MICAL2: variants seen among roughly 807,000 people sequenced by gnomAD.
The protein encoded by MICAL2 is [F-actin]-monooxygenase MICAL2.
Under a neutral mutation model 127.3 loss-of-function variants are expected in MICAL2, and 77 were observed. The observed-to-expected ratio is 0.60, with a 90% confidence interval of 0.50 to 0.73. MICAL2 has a LOEUF of 0.73. MICAL2 is among the 30% of genes least tolerant of loss of function. MICAL2 has a pLI of 0.00. For missense variants in MICAL2, 1,351 were observed against 1,434.4 expected (o/e 0.94, Z 0.94); for synonymous variants, 570 against 551.1 (o/e 1.03, Z -0.48).
intron 5 of MICAL2, among the ~76,000 whole-genome samples, chr11:12,208,544 G>A (rs1340714518): frequency 1.3e-5 from 2 of 152,234 alleles, no homozygotes; most frequent in East Asian, 3.8e-4. Flanking sequence ...ATCCAGTAAA[G>A]TGAAGCTTCT....
chr11:12,163,103 G>T (rs139443675), intron 3 of MICAL2, among the ~76,000 whole-genome samples: 254 of 152,050 alleles, frequency 1.7e-3, no homozygotes, highest in African/African-American at 5.8e-3. Flanking sequence ...CTCTACCTAG[G>T]ACCACACTCA....
intron 6 of MICAL2, among the ~76,000 whole-genome samples, chr11:12,211,154 C>T (rs752069121): frequency 2.0e-5 from 3 of 152,002 alleles, no homozygotes; most frequent in Non-Finnish European, 4.4e-5. Context: ...CTGAGGTGGG[C>T]GGATCACCTG....
chr11:12,128,313 C>A (rs1718341889), intron 1 of MICAL2, among the ~76,000 whole-genome samples: 1 of 152,196 alleles, frequency 6.6e-6, no homozygotes, highest in African/African-American at 2.4e-5. Flanking sequence ...ATCAAGACTG[C>A]AACATGCCAG....
In MICAL2 at chr11:12,173,042, TATTATA is replaced by T. The variant is rs1856456362; in HGVS notation, c.264+10630_264+10635del. ...TATAGTATATACATATATTTTTATG[TATTATA>T]ATTATATTACATTAAAAAGTTACTC... On this transcript the variant is annotated intron_variant, in intron 3 of 27. Coordinates refer to ENST00000683283, the MANE Select transcript of MICAL2 (RefSeq NM_001282663.2). Among the ~76,000 whole-genome samples, 4 of 152,100 alleles carry T rather than the reference TATTATA, an allele frequency of 2.6e-5. No individual in the cohort carries two copies. In the South Asian group the frequency reaches 6.2e-4, roughly 24 times the overall value.
intron 29 of MICAL2, among the ~76,000 whole-genome samples, chr11:12,310,157 C>CT (rs1864156069): frequency 6.6e-6 from 1 of 152,098 alleles, no homozygotes; most frequent in Non-Finnish European, 1.5e-5. Context: ...GTTTCCTTTG[C>CT]TGTACATAGG....
At chr11:12,226,973 A>T in intron 14 of MICAL2, 52 bp from the exon 15 acceptor site, 2 of 1,440,740 alleles carry the variant, frequency 1.4e-6, no homozygotes, top group Non-Finnish European at 2.0e-6. Flanking sequence ...TGTTATAGCC[A>T]TACTTCCCAG....
At chr11:12,125,406 A>G (rs1481108543) in intron 1 of MICAL2, among the ~76,000 whole-genome samples, 2 of 152,176 alleles carry the variant, frequency 1.3e-5, no homozygotes, top group Non-Finnish European at 2.9e-5. Context: ...GGCATGCACC[A>G]CCATGCCCTG....
intron 5 of MICAL2, 120 bp from the exon 6 acceptor site, chr11:12,209,375 GCT>G: frequency 2.6e-6 from 2 of 779,590 alleles, no homozygotes; most frequent in Admixed American, 1.8e-5. Flanking sequence ...TCCCCTGGAG[GCT>G]CTCTCTGTGA....
intron 32 of MICAL2, among the ~76,000 whole-genome samples, chr11:12,349,542 G>C (rs1004633299): frequency 6.6e-6 from 1 of 152,184 alleles, no homozygotes; most frequent in Admixed American, 6.5e-5. Flanking sequence ...GAATATACGA[G>C]TAGGCAGGGG....
In MICAL2 at chr11:12,258,539, T is replaced by C. The variant is rs1862641863; in HGVS notation, c.3214T>C (p.Leu1072=). ...NSKQRKRRAE[L]KQQREEEATW... ...CAAACAACGGAAGAGACGGGCAGAGTTGAAGCAACAAAGAGAGGTATGTTT... is the reference window on the plus strand; with the variant it reads ...CAAACAACGGAAGAGACGGGCAGAGCTGAAGCAACAAAGAGAGGTATGTTT... Residue 1072 remains leucine, a synonymous_variant, in exon 25 of 28, where the codon TTG becomes CTG. Transcript: ENST00000683283. 6.2e-7 allele frequency: 1 copy of C among 1,613,738 alleles called. No individual in the cohort carries two copies. The highest frequency in any genetic ancestry group is 8.5e-7 in the Non-Finnish European group (1 of 1,179,842).
At chr11:12,260,115 C>A (rs763707897) in intron 26 of MICAL2, 24 of 1,535,524 alleles carry the variant, frequency 1.6e-5, no homozygotes, top group Non-Finnish European at 2.0e-5. Flanking sequence ...AATCTGAGGG[C>A]TCCCTCGAGA....
intron 2 of MICAL2, among the ~76,000 whole-genome samples, chr11:12,150,437 C>A (rs564541343): frequency 8.6e-5 from 13 of 151,418 alleles, no homozygotes; most frequent in Admixed American, 3.3e-4. Context: ...AAAAAAAAAA[C>A]AAACAAAAAC....
rs1445923609 is a variant in MICAL2 at position 12,256,907 on chromosome 11, T to A, written c.3078T>A (p.Cys1026Ter). Residue 1026 changes from cysteine (C) to a stop codon, truncating the protein, a stop_gained, in exon 24 of 28, where the codon TGT (cysteine) becomes TGA (stop). Coordinates refer to ENST00000683283, the MANE Select transcript of MICAL2 (RefSeq NM_001282663.2). LOFTEE classifies it high-confidence loss of function. Reference protein sequence around the residue: ...SAEGHFFHRECFRCSICATTL... With the variant: ...SAEGHFFHRE ...AGGGCCACTTCTTCCACCGGGAGTG[T>A]TTCCGCTGCAGCATCTGTGCCACCA... The A allele has an allele frequency of 6.2e-7, 1 of 1,614,024 alleles. No homozygotes were observed. Among genetic ancestry groups the A allele is most frequent in the Non-Finnish European group, 8.5e-7 (1 of 1,180,010 alleles).
chr11:12,206,124 G>C (rs369217141), intron 4 of MICAL2, among the ~76,000 whole-genome samples: 1 of 152,254 alleles, frequency 6.6e-6, no homozygotes, highest in East Asian at 1.9e-4. Context: ...CTTTCAAGAT[G>C]TGCTCTCCCG....
At chr11:12,213,445 G>T in intron 7 of MICAL2, 35 bp downstream of exon 7, 6 of 1,597,568 alleles carry the variant, frequency 3.8e-6, no homozygotes, top group South Asian at 1.1e-5. Flanking sequence ...CCAGGCCAAG[G>T]TCTAAAGTTT....
downstream of MICAL2, chr11:12,294,836 CCTCCTA>C (rs199786165): frequency 4.8e-4 from 706 of 1,479,102 alleles, 6 homozygotes; most frequent in East Asian, 1.4e-3. Flanking sequence ...TCCTCCTCCT[CCTCCTA>C]CAGCGGGAGG....
intron 4 of MICAL2, among the ~76,000 whole-genome samples, chr11:12,205,083 GA>G (rs1252160045): frequency 6.6e-6 from 1 of 152,182 alleles, no homozygotes; most frequent in African/African-American, 2.4e-5. Flanking sequence ...TAAAAAGAGA[GA>G]GAACATCATG....
chr11:12,300,839 G>A (rs572712420), intron 29 of MICAL2, among the ~76,000 whole-genome samples: 2 of 152,288 alleles, frequency 1.3e-5, no homozygotes, highest in South Asian at 2.1e-4. Flanking sequence ...GGGTGTTGTT[G>A]TAAACCTCCA....
chr11:12,160,444 T>G (rs1278744332), intron 2 of MICAL2, among the ~76,000 whole-genome samples: 1 of 152,012 alleles, frequency 6.6e-6, no homozygotes, highest in African/African-American at 2.4e-5. Context: ...CCAGTCCCCC[T>G]CCTTGGCCTG....
Sources: gnomAD v4.1 joint callset for allele counts (sites outside exome capture counted in the v4.1 genomes callset) on GRCh38, gnomAD v4.1.1 for gene constraint, MANE v1.5 for transcripts, NCBI Gene and HGNC (gene_info 2026-07-23, HGNC 2026-07-21) for gene names.